FOXP2: variants seen among roughly 807,000 people sequenced by gnomAD.
The protein encoded by FOXP2 is forkhead box protein P2.
A neutral mutation model predicts 115.8 loss-of-function variants in FOXP2; 12 were observed. The observed-to-expected ratio is 0.10, with a 90% CI of 0.07 to 0.17. The LOEUF (loss-of-function observed/expected upper bound fraction) is 0.17. Ranked by LOEUF, FOXP2 falls within the 10% of genes least tolerant of loss-of-function variation. The pLI, the probability that FOXP2 is intolerant of heterozygous loss-of-function variation, is 1.00. For synonymous variants in FOXP2, 328 were observed against 297.7 expected (o/e 1.10, Z -1.05); for missense variants, 629 against 843.5 (o/e 0.75, Z 3.15).
At chr7:114,499,764 A>G (rs1014778666) in intron 2 of FOXP2, 2 of 152,140 alleles carry the variant, frequency 1.3e-5, no homozygotes, top group Non-Finnish European at 2.9e-5. Context: ...TGGTCATTTT[A>G]AGTTTCTTTT....
intron 3 of FOXP2, among the ~76,000 whole-genome samples, chr7:114,592,338 A>G (rs1802480815): frequency 6.6e-6 from 1 of 152,016 alleles, no homozygotes; most frequent in Non-Finnish European, 1.5e-5. Flanking sequence ...TTAGGTCACT[A>G]GAGTAGTATG....
intron 2 of FOXP2, among the ~76,000 whole-genome samples, chr7:114,318,264 G>T (rs1260230598): frequency 1.3e-5 from 2 of 151,534 alleles, no homozygotes; most frequent in Admixed American, 1.3e-4. Flanking sequence ...GCTTCTCCTG[G>T]ATCTAGACCC....
intron 2 of FOXP2, among the ~76,000 whole-genome samples, chr7:114,340,840 A>G (rs1381043684): frequency 1.3e-5 from 2 of 151,132 alleles, no homozygotes; most frequent in Non-Finnish European, 3.0e-5. Context: ...TAACCTTATG[A>G]GCTTCAAGGA....
intron 3 of FOXP2, among the ~76,000 whole-genome samples, chr7:114,614,657 G>T (rs888203709): frequency 6.6e-6 from 1 of 151,978 alleles, no homozygotes; most frequent in East Asian, 1.9e-4. Flanking sequence ...TAATGGCATT[G>T]ATGCTAACAT....
chr7:114,441,546 C>G (rs544601158), intron 2 of FOXP2, among the ~76,000 whole-genome samples: 6 of 152,106 alleles, frequency 3.9e-5, no homozygotes, highest in Non-Finnish European at 8.8e-5. Context: ...AATACAATAG[C>G]AGCCTTCAGT....
intron 1 of FOXP2, among the ~76,000 whole-genome samples, chr7:114,220,666 G>A (rs1197039595): frequency 3.9e-5 from 6 of 151,946 alleles, no homozygotes; most frequent in Admixed American, 1.3e-4. Context: ...GGGAAAAAAC[G>A]GCATGTCAGA....
intron 2 of FOXP2, among the ~76,000 whole-genome samples, chr7:114,510,024 A>G (rs1361245295): frequency 6.6e-6 from 1 of 152,170 alleles, no homozygotes; most frequent in Non-Finnish European, 1.5e-5. Context: ...TGATAAGAAA[A>G]AGGAAATGTA....
At chr7:114,362,646 A>AGCC (rs1791780838) in intron 2 of FOXP2, among the ~76,000 whole-genome samples, 1 of 152,060 alleles carries the variant, frequency 6.6e-6, no homozygotes, top group Non-Finnish European at 1.5e-5. Context: ...AGTGGTTTTG[A>AGCC]TAATTAAATA....
intron 3 of FOXP2, among the ~76,000 whole-genome samples, chr7:114,556,780 A>G (rs1462796959): frequency 1.3e-5 from 2 of 152,212 alleles, no homozygotes; most frequent in African/African-American, 4.8e-5. Flanking sequence ...TAAGTTCACA[A>G]CAAATGCACT....
At chr7:114,402,040 T>C (rs1371956420) in intron 2 of FOXP2, among the ~76,000 whole-genome samples, 1 of 152,156 alleles carries the variant, frequency 6.6e-6, no homozygotes, top group Non-Finnish European at 1.5e-5. Flanking sequence ...AAGATTCCCT[T>C]GAACCCGTGA....
intron 1 of FOXP2, among the ~76,000 whole-genome samples, chr7:114,272,124 T>C (rs535087476): frequency 1.1e-4 from 16 of 148,322 alleles, no homozygotes; most frequent in African/African-American, 3.4e-4. Context: ...TTTTGTCAAA[T>C]GCTTTTCTGC....
At chr7:114,576,203 T>C (rs1207724498) in intron 3 of FOXP2, among the ~76,000 whole-genome samples, 8 of 151,960 alleles carry the variant, frequency 5.3e-5, no homozygotes, top group Admixed American at 5.3e-4. Flanking sequence ...TGAAACAGAA[T>C]ACAGGTTTTT....
At chr7:114,393,584 C>T (rs1459585678) in intron 2 of FOXP2, among the ~76,000 whole-genome samples, 2 of 151,764 alleles carry the variant, frequency 1.3e-5, no homozygotes, top group Admixed American at 1.3e-4. Flanking sequence ...TGTGGGGAGT[C>T]AAAACCACAG....
At chr7:114,392,695 C>T (rs895333471) in intron 2 of FOXP2, among the ~76,000 whole-genome samples, 1 of 152,212 alleles carries the variant, frequency 6.6e-6, no homozygotes, top group Non-Finnish European at 1.5e-5. Context: ...GCTTTAGGCT[C>T]TCTTCTTACA....
intron 3 of FOXP2, among the ~76,000 whole-genome samples, chr7:114,578,494 A>G (rs999091917): frequency 6.6e-6 from 1 of 152,088 alleles, no homozygotes; most frequent in African/African-American, 2.4e-5. Flanking sequence ...CCCATTATTA[A>G]TTGAATTCAA....
intron 3 of FOXP2, among the ~76,000 whole-genome samples, chr7:114,557,657 A>G (rs1271837446): frequency 6.6e-6 from 1 of 152,118 alleles, no homozygotes; most frequent in Non-Finnish European, 1.5e-5. Flanking sequence ...TTATTTTCTT[A>G]CTTTATGCTT....
At chr7:114,408,135 C>G (rs1348078266) in intron 2 of FOXP2, among the ~76,000 whole-genome samples, 2 of 151,834 alleles carry the variant, frequency 1.3e-5, no homozygotes, top group Non-Finnish European at 2.9e-5. Flanking sequence ...AGCTTATATC[C>G]TCACATTTTG....
intron 1 of FOXP2, among the ~76,000 whole-genome samples, chr7:114,105,509 C>A (rs1791086898): frequency 6.6e-6 from 1 of 151,978 alleles, no homozygotes; most frequent in African/African-American, 2.4e-5. Flanking sequence ...ATTTTAAATG[C>A]TTGTGGTGGT....
In FOXP2 at chr7:114,661,290, ATATT is replaced by A. The variant is rs1183232661; in HGVS notation, c.1648-770_1648-767del. 2.0e-5 allele frequency among the ~76,000 whole-genome samples: 3 copies of A among 152,186 alleles called. No individual in the cohort carries two copies. The East Asian group carries it at 5.8e-4, about 29-fold the overall frequency. ...CGATGTAAATTATGTGGTCTACTGTATATTTATTATAGCTAAAATTTTAGGAATG... is the reference window on the plus strand; with the variant it reads ...CGATGTAAATTATGTGGTCTACTGTATATTATAGCTAAAATTTTAGGAATG... On this transcript the variant is annotated intron_variant, in intron 13 of 16. Coordinates refer to ENST00000350908, the MANE Select transcript of FOXP2 (RefSeq NM_014491.4).
Sources: gnomAD v4.1 joint callset for allele counts (sites outside exome capture counted in the v4.1 genomes callset) on GRCh38, gnomAD v4.1.1 for gene constraint, MANE v1.5 for transcripts, NCBI Gene and HGNC (gene_info 2026-07-23, HGNC 2026-07-21) for gene names.